The following RREB1 variants were observed in gnomAD, a reference collection of about 807,000 sequenced individuals.
RREB1 encodes ras-responsive element-binding protein 1.
In RREB1, 27 loss-of-function variants were observed where a neutral mutation model predicts 117.8. The observed-to-expected ratio is 0.23, with a 90% CI of 0.17 to 0.32. The LOEUF (loss-of-function observed/expected upper bound fraction) is 0.32. RREB1 is among the 10% of genes least tolerant of loss of function. The pLI, the probability that RREB1 is intolerant of heterozygous loss-of-function variation, is 1.00. For missense variants in RREB1, 2,577 were observed against 2,378.2 expected (o/e 1.08, Z -1.74); for synonymous variants, 1,298 against 1,026.7 (o/e 1.26, Z -5.05).
rs1377869723 is a variant in RREB1, at chr6:7,249,015, G to C, written c.*47G>C. ...CAGACAAAAGCCAGCAGAGCAAAGC[G>C]TCTATACTTCATGGGGTTTCCTCAG... On this transcript the variant is annotated 3_prime_UTR_variant, in exon 13 of 13. Coordinates refer to ENST00000379938, the MANE Select transcript of RREB1 (RefSeq NM_001003699.4). 4.3e-6 allele frequency: 6 copies of C among 1,400,136 alleles called. No individual in the cohort carries two copies. In the African/African-American group the frequency reaches 4.4e-5, roughly 10 times the overall value. 86.7% of individuals were successfully genotyped at this position (1,400,136 alleles called of 1,614,324 possible).
chr6:7,170,381 T>TG (rs1764152489), intron 1 of RREB1, among the ~76,000 whole-genome samples: 1 of 152,290 alleles, frequency 6.6e-6, no homozygotes, highest in East Asian at 1.9e-4. Flanking sequence ...TGCCCCTTGT[T>TG]GCTCACTCCT....
intron 6 of RREB1, among the ~76,000 whole-genome samples, chr6:7,203,440 G>A (rs1331936342): frequency 6.6e-6 from 1 of 152,198 alleles, no homozygotes; most frequent in Non-Finnish European, 1.5e-5. Flanking sequence ...CAAGAATGCA[G>A]AAGGGTCTTT....
chr6:7,193,614 T>C (rs553635198), intron 6 of RREB1, among the ~76,000 whole-genome samples: 10 of 152,348 alleles, frequency 6.6e-5, no homozygotes, highest in African/African-American at 2.2e-4. Flanking sequence ...TTGTTTTGTT[T>C]TGTTTTTTTG....
At chr6:7,171,888 G>A (rs1258277579) in intron 1 of RREB1, among the ~76,000 whole-genome samples, 2 of 152,076 alleles carry the variant, frequency 1.3e-5, no homozygotes, top group African/African-American at 4.8e-5. Context: ...GCCAGAAGGT[G>A]GACTGAGGCC....
At chr6:7,147,746 C>G (rs1245752897) in intron 1 of RREB1, among the ~76,000 whole-genome samples, 1 of 152,024 alleles carries the variant, frequency 6.6e-6, no homozygotes. Flanking sequence ...TAATGCTCTT[C>G]ATTGTATCTT....
intron 8 of RREB1, among the ~76,000 whole-genome samples, chr6:7,224,327 C>T (rs1347636425): frequency 1.3e-5 from 2 of 151,912 alleles, no homozygotes; most frequent in Non-Finnish European, 2.9e-5. Context: ...AAAGCATAGC[C>T]AAAATATTAT....
chr6:7,222,002 C>T (rs1298104709), intron 8 of RREB1, among the ~76,000 whole-genome samples: 1 of 152,114 alleles, frequency 6.6e-6, no homozygotes, highest in Non-Finnish European at 1.5e-5. Context: ...TTCACAGTAA[C>T]TGCAGAGATC....
At chr6:7,157,128 C>T (rs1322922281) in intron 1 of RREB1, among the ~76,000 whole-genome samples, 1 of 152,076 alleles carries the variant, frequency 6.6e-6, no homozygotes, top group Non-Finnish European at 1.5e-5. Flanking sequence ...TTGGAGATGA[C>T]TAATTAATTA....
intron 7 of RREB1, among the ~76,000 whole-genome samples, chr6:7,211,338 A>ACGGACG (rs1554124720): frequency 5.1e-5 from 6 of 118,674 alleles, no homozygotes; most frequent in Admixed American, 4.5e-4. Flanking sequence ...ATGGATGGAC[A>ACGGACG]GATGGATGGA....
intron 8 of RREB1, chr6:7,218,045 A>G (rs975610581): frequency 2.0e-5 from 3 of 152,254 alleles, no homozygotes; most frequent in African/African-American, 7.2e-5. Context: ...TGAAAAGCAG[A>G]TATTTAGAAA....
At chr6:7,227,137 G>A (rs1192863764) in intron 9 of RREB1, among the ~76,000 whole-genome samples, 3 of 152,030 alleles carry the variant, frequency 2.0e-5, no homozygotes, top group Non-Finnish European at 4.4e-5. Context: ...AGCTACTTGG[G>A]AGGCTGAGGT....
At chr6:7,221,406 T>A (rs1767248983) in intron 8 of RREB1, among the ~76,000 whole-genome samples, 1 of 152,074 alleles carries the variant, frequency 6.6e-6, no homozygotes. Context: ...TCTCCTGACC[T>A]CATGATCCAC....
chr6:7,192,374 G>A (rs1209214270), intron 6 of RREB1, among the ~76,000 whole-genome samples: 2 of 151,774 alleles, frequency 1.3e-5, no homozygotes, highest in Non-Finnish European at 2.9e-5. Context: ...TGTATTGTTA[G>A]TAGAGATGGG....
chr6:7,227,981 C>T (rs951796359), intron 9 of RREB1, among the ~76,000 whole-genome samples: 1 of 152,226 alleles, frequency 6.6e-6, no homozygotes, highest in African/African-American at 2.4e-5. Flanking sequence ...GCATGACAAT[C>T]TCTTGAACCC....
chr6:7,207,751 C>T (rs1766357284), intron 6 of RREB1, among the ~76,000 whole-genome samples: 1 of 152,210 alleles, frequency 6.6e-6, no homozygotes, highest in South Asian at 2.1e-4. Flanking sequence ...TTGAGGGGGG[C>T]TGTTCACTTT....
intron 8 of RREB1, chr6:7,217,818 G>GTGT (rs1766994979): frequency 6.6e-6 from 1 of 152,074 alleles, no homozygotes; most frequent in Non-Finnish European, 1.5e-5. Context: ...ACAGTTATAG[G>GTGT]TGTTGTGGCA....
At chr6:7,224,599 G>C (rs1377591280) in intron 8 of RREB1, among the ~76,000 whole-genome samples, 1 of 152,154 alleles carries the variant, frequency 6.6e-6, no homozygotes, top group Non-Finnish European at 1.5e-5. Flanking sequence ...TGTCCTCTCT[G>C]TGTGCACAGC....
intron 1 of RREB1, among the ~76,000 whole-genome samples, chr6:7,134,591 GAA>G (rs1320458775): frequency 6.6e-6 from 1 of 152,164 alleles, no homozygotes; most frequent in African/African-American, 2.4e-5. Flanking sequence ...TCTAATGACA[GAA>G]AAACTCTATC....
intron 9 of RREB1, among the ~76,000 whole-genome samples, chr6:7,228,530 G>A (rs1276369771): frequency 7.7e-6 from 1 of 129,066 alleles, no homozygotes; most frequent in Non-Finnish European, 1.6e-5. Context: ...TTAAGGCAGA[G>A]TCTTGTTCTG....
Sources: allele counts gnomAD v4.1 joint callset (sites outside exome capture counted in the v4.1 genomes callset), GRCh38; gene constraint gnomAD v4.1.1; transcripts MANE v1.5; gene names NCBI Gene and HGNC (gene_info 2026-07-23, HGNC 2026-07-21).